Variants in COL6A3 observed in about 807,000 individuals in gnomAD.
COL6A3 encodes collagen type VI alpha 3 chain.
COL6A3 carries 137 observed loss-of-function variants against 274.1 expected under a neutral mutation model. The observed-to-expected ratio is 0.50, with a 90% confidence interval of 0.44 to 0.58. COL6A3 has a LOEUF of 0.58. Ranked by LOEUF, COL6A3 falls within the 20% of genes least tolerant of loss-of-function variation. The probability of loss-of-function intolerance (pLI) is 0.00; values close to 1 mark genes in which losing one functional copy is unlikely to be tolerated. For missense variants in COL6A3, 3,950 were observed against 4,124.9 expected (o/e 0.96, Z 1.16); for synonymous variants, 1,650 against 1,650.6 (o/e 1.00, Z 0.01).
At chr2:237,335,023 A>G in intron 40 of COL6A3, 134 bp from the exon 41 acceptor site, 2 of 999,732 alleles carry the variant, frequency 2.0e-6, no homozygotes, top group Non-Finnish European at 1.5e-6. Flanking sequence ...CGGGGAACTA[A>G]TTTCTTGTTC....
intron 17 of COL6A3, 55 bp downstream of exon 17, chr2:237,360,033 A>T: frequency 6.4e-7 from 1 of 1,569,132 alleles, no homozygotes; most frequent in Non-Finnish European, 8.8e-7. Flanking sequence ...ATCTGGAGAA[A>T]CTGCGAGTCA....
intron 6 of COL6A3, 38 bp from the exon 7 acceptor site, chr2:237,377,382 G>A: frequency 1.3e-6 from 2 of 1,590,610 alleles, no homozygotes; most frequent in Non-Finnish European, 1.7e-6. Flanking sequence ...TGAGGGACGA[G>A]AGCATAACAG....
At chr2:237,389,918 T>C (rs1188532401) in intron 3 of COL6A3, among the ~76,000 whole-genome samples, 3 of 152,196 alleles carry the variant, frequency 2.0e-5, no homozygotes, top group Non-Finnish European at 4.4e-5. Context: ...TTGCCACTGT[T>C]CAGCCAAAAT....
At chr2:237,378,560 G>A in intron 6 of COL6A3, 76 bp downstream of exon 6, 3 of 1,606,634 alleles carry the variant, frequency 1.9e-6, no homozygotes, top group Non-Finnish European at 1.7e-6. Flanking sequence ...GTGCTCTTGA[G>A]TTCAGACTGG....
intron 4 of COL6A3, among the ~76,000 whole-genome samples, chr2:237,383,337 T>A (rs2078058895): frequency 6.6e-6 from 1 of 152,240 alleles, no homozygotes; most frequent in South Asian, 2.1e-4. Context: ...GTGCAGAACA[T>A]CATTGAACCT....
chr2:237,327,765 T>C (rs992423436), intron 42 of COL6A3: 11 of 152,154 alleles, frequency 7.2e-5, no homozygotes, highest in African/African-American at 2.7e-4. Context: ...TAATCTTGAC[T>C]TCTGAGACAT....
At chr2:237,351,257 A>T in intron 26 of COL6A3, 65 bp from the exon 27 acceptor site, 1 of 1,483,714 alleles carries the variant, frequency 6.7e-7, no homozygotes. Flanking sequence ...TGGTCTCTGA[A>T]ACCTGACTCT....
Position 237,374,542 on chromosome 2 carries a change from G to C in COL6A3, c.3549C>G (p.Asp1183Glu), listed in dbSNP as rs762240306. 1.7e-5 allele frequency: 28 copies of C among 1,614,114 alleles called. No individual in the cohort carries two copies. Among genetic ancestry groups the C allele is most frequent in the Middle Eastern group, 3.3e-4 (2 of 6,084 alleles). Residue 1183 changes from aspartate to glutamate, a missense_variant, in exon 8 of 44, where the codon GAC (aspartate) becomes GAG (glutamate). Asp to Glu is a conservative substitution (Grantham distance 45). Transcript: ENST00000295550. The surrounding 1 kb of genome is among the most constrained non-coding windows in gnomAD (Gnocchi z 4.8). The part of the protein sequence containing the change: ...TEMQTISFIP[D>E]FAVAIPTFRQ... ...GAAAGGTGGGAATGGCCACGGCAAA[G>C]TCCGGGATGAAGGAGATGGTCTGCA...
intron 38 of COL6A3, among the ~76,000 whole-genome samples, 194 bp from the exon 39 acceptor site, chr2:237,339,311 G>A (rs988664416): frequency 6.6e-6 from 1 of 152,130 alleles, no homozygotes; most frequent in African/African-American, 2.4e-5. Flanking sequence ...CATAAAACAT[G>A]GTAAGCCAAT....
Position 237,344,018 on chromosome 2 carries a change from G to A in COL6A3, c.7668+332C>T, listed in dbSNP as rs904164122. The A allele has an allele frequency of 4.2e-5, 17 of 403,110 alleles. No individual in the cohort carries two copies. Among genetic ancestry groups the A allele is most frequent in the South Asian group, 6.4e-5 (3 of 47,018 alleles). 25.0% of individuals were successfully genotyped at this position (403,110 alleles called of 1,614,324 possible). A position where few individuals can be genotyped will look rare whatever the true frequency, so the allele number is the denominator to read the frequency against. ...GGGAGGAGACAGGAAGGATGCAAAC[G>A]TCCAGGTCCTCATGAATAAAGCAAA... On this transcript the variant is annotated intron_variant, in intron 36 of 43. Transcript: ENST00000295550. The surrounding 1 kb of genome is among the most constrained non-coding windows in gnomAD (Gnocchi z 4.8).
In COL6A3 at chr2:237,369,173, A is replaced by T. The variant is rs2077626622; in HGVS notation, c.4290T>A (p.Val1430=). The T allele has an allele frequency of 6.2e-7, 1 of 1,610,530 alleles. No individual in the cohort carries two copies. The highest frequency in any genetic ancestry group is 2.2e-5 in the East Asian group (1 of 44,888). The change falls in exon 10 of 44, where the codon GTT becomes GTA. Residue 1430 remains valine, a synonymous_variant. Coordinates refer to ENST00000295550, the MANE Select transcript of COL6A3 (RefSeq NM_004369.4). ...AGACAATGTCTGCAGCATCACTCTC[A>T]ACTGCTGCAGATCAAAGAAGAAAAA... is the stretch of plus-strand genomic sequence containing the variant. ...LASTRYPPPA[V]ESDAADIVFL... is the part of the protein sequence containing the mutation.
chr2:237,366,566 G>A lies in COL6A3; in HGVS notation c.5500+121C>T, dbSNP rs2077557510. On this transcript the variant is annotated intron_variant, in intron 11 of 43. Transcript: ENST00000295550. ...TCAGGACCAGTCCCAGTGGGTATAAGTAAATGTATGAAGCAACCAAATGCC... is the reference window on the plus strand; with the variant it reads ...TCAGGACCAGTCCCAGTGGGTATAAATAAATGTATGAAGCAACCAAATGCC... 9 of 1,482,160 alleles carry A rather than the reference G, an allele frequency of 6.1e-6. No homozygotes were observed. The South Asian group carries it at 1.0e-4, about 17-fold the overall frequency. 91.8% of individuals were successfully genotyped at this position (1,482,160 alleles called of 1,614,324 possible).
At chr2:237,354,739 C>T (rs2077280029) in intron 24 of COL6A3, among the ~76,000 whole-genome samples, 160 bp downstream of exon 24, 1 of 152,192 alleles carries the variant, frequency 6.6e-6, no homozygotes, top group African/African-American at 2.4e-5. Flanking sequence ...GAGGCTGTGT[C>T]ACGGGCATGT....
intron 11 of COL6A3, 96 bp downstream of exon 11, chr2:237,366,591 C>A: frequency 6.3e-7 from 1 of 1,592,856 alleles, no homozygotes; most frequent in Non-Finnish European, 8.6e-7. Context: ...AACCAAATGC[C>A]TAAGGACTCC....
Position 237,372,030 on chromosome 2 carries a change from C to A in COL6A3, c.3987G>T (p.Gly1329=). 6.2e-7 allele frequency: 1 copy of A among 1,614,078 alleles called. No individual in the cohort carries two copies. The highest frequency in any genetic ancestry group is 8.5e-7 in the Non-Finnish European group (1 of 1,180,030). The part of the protein sequence containing the change: ...VSRNIFKRPL[G]SRIEEGVPQF... The stretch of plus-strand genomic sequence containing the variant: ...GCGGGACGCCCTCTTCAATGCGGCT[C>A]CCCAGGGGCCTCTTGAAGATGTTCC... The change falls in exon 9 of 44, where the codon GGG becomes GGT. Residue 1329 remains glycine (G), a synonymous_variant. Coordinates refer to ENST00000295550, the MANE Select transcript of COL6A3 (RefSeq NM_004369.4).
At position 237,364,393 on chromosome 2, in the gene COL6A3, A is replaced by G; in HGVS notation, c.5874T>C (p.Asp1958=). Reference sequence around the variant, plus strand: ...CAGATGCTCTGTGTAAATCAGCCAGATCTCCGTCTGCTCCATCAGTAAAAT... The same window carrying G: ...CAGATGCTCTGTGTAAATCAGCCAGGTCTCCGTCTGCTCCATCAGTAAAAT... ...VIHFTDGADG[D]LADLHRASEN... is the part of the protein sequence containing the mutation. The change falls in exon 13 of 44, where the codon GAT becomes GAC. Residue 1958 remains aspartate (D), a synonymous_variant. Transcript: ENST00000295550. This position sits in a 1 kb window ranked among gnomAD's most constrained non-coding sequence, Gnocchi z 4.6. 1.2e-6 allele frequency: 2 copies of G among 1,614,098 alleles called. No individual in the cohort carries two copies. The highest frequency in any genetic ancestry group is 1.7e-6 in the Non-Finnish European group (2 of 1,179,978).
At position 237,350,157 on chromosome 2, in the gene COL6A3, C is replaced by A. The variant is rs398124131; in HGVS notation, c.6869G>T (p.Arg2290Leu). ...GCGCTGTGACCTTACCGTCTCCCCA[C>A]GAGGGCCCCGGTTCCCGATTCCTCC... ...PKGGIGNRGP[R>L]GETGDDGRDG... Residue 2290 changes from arginine (R) to leucine (L), a missense_variant, in exon 28 of 44, where the codon CGT (arginine) becomes CTT (leucine). Physicochemically the swap from Arg to Leu is moderately radical, Grantham distance 102. Around this residue, in one of 5 missense-constraint regions of COL6A3, gnomAD observed 1,284 missense variants for 1,349.7 expected, o/e 0.95. Coordinates refer to ENST00000295550, the MANE Select transcript of COL6A3 (RefSeq NM_004369.4). 1.6e-5 allele frequency: 26 copies of A among 1,613,990 alleles called. No individual in the cohort carries two copies. The highest frequency in any genetic ancestry group is 2.1e-5 in the Non-Finnish European group (25 of 1,180,004).
rs778816180 is a variant in COL6A3 at position 237,368,950 on chromosome 2, G to A, written c.4513C>T (p.Arg1505Cys). The change falls in exon 10 of 44, where the codon CGC (arginine) becomes TGC (cysteine). Residue 1505 changes from arginine (R) to cysteine (C), a missense_variant. Coordinates refer to ENST00000295550, the MANE Select transcript of COL6A3 (RefSeq NM_004369.4). The surrounding 1 kb of genome is among the most constrained non-coding windows in gnomAD (Gnocchi z 4.4). ...SQAPVLDAIR[R>C]LRLRGGSPLN... is the part of the protein sequence containing the mutation. ...GGGGACCCCCCTCTGAGCCTCAGGC[G>A]CCGTATGGCGTCCAGCACCGGGGCC... 42 of 1,614,078 alleles carry A rather than the reference G, an allele frequency of 2.6e-5. No individual in the cohort carries two copies. Among genetic ancestry groups the A allele is most frequent in the Non-Finnish European group, 3.4e-5 (40 of 1,180,046 alleles).
Position 237,324,297 on chromosome 2 carries a change from TG to T in COL6A3, c.*476del. ...TAGCTTGAAATCTAGTCTGGGAAAT[TG>T]GGGGCAGGGAATGAAAAAGTTGGTC... On this transcript the variant is annotated 3_prime_UTR_variant, in exon 44 of 44. Coordinates refer to ENST00000295550, the MANE Select transcript of COL6A3 (RefSeq NM_004369.4). 1 of 158,356 alleles carries T rather than the reference TG, an allele frequency of 6.3e-6. No individual in the cohort carries two copies. Among genetic ancestry groups the T allele is most frequent in the Non-Finnish European group, 1.4e-5 (1 of 71,348 alleles). 9.8% of individuals were successfully genotyped at this position (158,356 alleles called of 1,614,324 possible). A position where few individuals can be genotyped will look rare whatever the true frequency, so the allele number is the denominator to read the frequency against.
Sources: gnomAD v4.1 joint callset for allele counts (sites outside exome capture counted in the v4.1 genomes callset) on GRCh38, gnomAD v4.1.1 for gene constraint, gnomAD v4.1.1 regional missense constraint, Gnocchi (gnomAD v3.1) non-coding constraint, MANE v1.5 for transcripts, NCBI Gene and HGNC (gene_info 2026-07-23, HGNC 2026-07-21) for gene names.